AIDA: variants seen among roughly 807,000 people sequenced by gnomAD.
AIDA encodes the protein axin interactor, dorsalization associated, also known as axin interactor, dorsalization-associated protein.
In AIDA, 18 loss-of-function variants were observed where a neutral mutation model predicts 42.7. The ratio of observed to expected loss-of-function variants is 0.42; its 90% CI spans 0.29 to 0.63. AIDA has a LOEUF of 0.63. AIDA is among the 20% of genes least tolerant of loss of function. The probability of loss-of-function intolerance (pLI) is 0.19; values close to 1 mark genes in which losing one functional copy is unlikely to be tolerated. For synonymous variants in AIDA, 104 were observed against 122.9 expected (o/e 0.85, Z 1.02); for missense variants, 250 against 354.1 (o/e 0.71, Z 2.36).
At chr1:222,704,012 A>G (rs1655778755) in intron 1 of AIDA, among the ~76,000 whole-genome samples, 2 of 152,212 alleles carry the variant, frequency 1.3e-5, no homozygotes, top group African/African-American at 4.8e-5. Context: ...TCCAAAGAAG[A>G]CATAAAATGG....
chr1:222,703,849 C>T (rs1655774753), intron 1 of AIDA, among the ~76,000 whole-genome samples: 1 of 152,124 alleles, frequency 6.6e-6, no homozygotes, highest in South Asian at 2.1e-4. Flanking sequence ...TTAGTCCAAG[C>T]TCAACAATAA....
At chr1:222,694,711 A>T (rs1184518717) in intron 2 of AIDA, among the ~76,000 whole-genome samples, 4 of 152,192 alleles carry the variant, frequency 2.6e-5, no homozygotes, top group African/African-American at 9.7e-5. Context: ...ACTAAGCAAA[A>T]CTGGTATTTG....
intron 4 of AIDA, among the ~76,000 whole-genome samples, chr1:222,691,503 A>G (rs74145532): frequency 0.029 from 4,390 of 152,260 alleles, 216 homozygotes; most frequent in African/African-American, 0.099. Flanking sequence ...GTATAAACCT[A>G]CATTATTATA....
At chr1:222,700,139 G>A (rs1194838360) in intron 2 of AIDA, among the ~76,000 whole-genome samples, 1 of 152,178 alleles carries the variant, frequency 6.6e-6, no homozygotes, top group African/African-American at 2.4e-5. Flanking sequence ...CCTTATCCAA[G>A]TCCAAAGAAT....
In AIDA at chr1:222,711,105, G is replaced by A. The variant is rs75083118; in HGVS notation, c.110+1103C>T. Among the ~76,000 whole-genome samples the A allele has an allele frequency of 1.5e-3, 221 of 142,618 alleles. 6 individuals are homozygous for A. In the South Asian group the frequency reaches 0.024, roughly 15 times the overall value. 93.6% of individuals were successfully genotyped at this position (142,618 alleles called of 152,430 possible). A position where few individuals can be genotyped will look rare whatever the true frequency, so the allele number is the denominator to read the frequency against. On this transcript the variant is annotated intron_variant, in intron 1 of 9. Transcript: ENST00000340020. ...TGTCGGGGGCGGATGGGGGGTGGGG[G>A]AGGCCGGGGGTATTCTACTCATACG...
chr1:222,672,291 A>C (rs1664463661), intron 8 of AIDA, among the ~76,000 whole-genome samples: 1 of 152,210 alleles, frequency 6.6e-6, no homozygotes, highest in Non-Finnish European at 1.5e-5. Context: ...TCTCCCGTCC[A>C]CATCACAAAC....
chr1:222,692,505 G>T (rs1336116449), intron 4 of AIDA, among the ~76,000 whole-genome samples: 12 of 152,136 alleles, frequency 7.9e-5, no homozygotes, highest in Admixed American at 7.9e-4. Flanking sequence ...CCATCTGAAA[G>T]ATTATTTTTT....
intron 5 of AIDA, 45 bp downstream of exon 5, chr1:222,687,550 A>C: frequency 7.0e-7 from 1 of 1,420,792 alleles, no homozygotes; most frequent in Non-Finnish European, 9.6e-7. Context: ...TCTGAAAGAG[A>C]GGTATAAAAT....
chr1:222,702,337 C>T (rs899439336), intron 2 of AIDA, among the ~76,000 whole-genome samples: 10 of 152,146 alleles, frequency 6.6e-5, no homozygotes, highest in Non-Finnish European at 1.3e-4. Context: ...CCATAGTTTT[C>T]ACACTGTCTT....
At chr1:222,678,619 A>T (rs574082540) in intron 6 of AIDA, among the ~76,000 whole-genome samples, 1 of 152,300 alleles carries the variant, frequency 6.6e-6, no homozygotes, top group Non-Finnish European at 1.5e-5. Context: ...TCCAAGCTGG[A>T]AAGATACTTA....
At chr1:222,682,379 GTTTA>G (rs1329271683) in intron 6 of AIDA, among the ~76,000 whole-genome samples, 3 of 152,066 alleles carry the variant, frequency 2.0e-5, no homozygotes, top group Admixed American at 2.0e-4. Flanking sequence ...TGCTTATTAA[GTTTA>G]TTTGATTTTT....
At chr1:222,702,051 T>C (rs1655724552) in intron 2 of AIDA, among the ~76,000 whole-genome samples, 1 of 152,124 alleles carries the variant, frequency 6.6e-6, no homozygotes, top group Non-Finnish European at 1.5e-5. Context: ...TTTTAAATTG[T>C]AGTGATTTTT....
At chr1:222,676,934 AC>A (rs1272210824) in intron 6 of AIDA, among the ~76,000 whole-genome samples, 8 of 148,568 alleles carry the variant, frequency 5.4e-5, no homozygotes, top group African/African-American at 2.0e-4. Context: ...ACAAAAAAAA[AC>A]AAACAAAAAA....
At chr1:222,680,339 C>A (rs773614222) in intron 6 of AIDA, among the ~76,000 whole-genome samples, 2 of 152,084 alleles carry the variant, frequency 1.3e-5, no homozygotes, top group Non-Finnish European at 2.9e-5. Context: ...GCTTTACCTG[C>A]CCCAACCTTC....
intron 8 of AIDA, among the ~76,000 whole-genome samples, chr1:222,670,782 T>A (rs888957982): frequency 2.0e-5 from 3 of 152,206 alleles, no homozygotes; most frequent in African/African-American, 4.8e-5. Context: ...CTTAACACCT[T>A]TTTCAGTATT....
chr1:222,688,268 G>A (rs1210241942), intron 4 of AIDA, among the ~76,000 whole-genome samples: 1 of 151,894 alleles, frequency 6.6e-6, no homozygotes, highest in African/African-American at 2.4e-5. Flanking sequence ...TCTGTCCTGA[G>A]ATTTCCTCTC....
intron 2 of AIDA, among the ~76,000 whole-genome samples, chr1:222,697,103 C>T (rs1378561548): frequency 3.3e-5 from 5 of 151,970 alleles, no homozygotes; most frequent in East Asian, 3.9e-4. Context: ...CCACCGCGCC[C>T]GGCTAATTTC....
At chr1:222,689,502 T>TAC (rs1299244082) in intron 4 of AIDA, among the ~76,000 whole-genome samples, 1 of 70,580 alleles carries the variant, frequency 1.4e-5, no homozygotes, top group Non-Finnish European at 3.1e-5. Flanking sequence ...TATATATATA[T>TAC]ATATATATAT....
rs1655742157 is a variant in AIDA, at chr1:222,702,713, A to T, written c.180+435T>A. ...TTTGTGTGTATTTGTTTGTTCTGAG[A>T]GAAGGTAGACAGGAGTTAGGAAAGT... On this transcript the variant is annotated intron_variant, in intron 2 of 9. Coordinates refer to ENST00000340020, the MANE Select transcript of AIDA (RefSeq NM_022831.4). 2.0e-5 allele frequency among the ~76,000 whole-genome samples: 3 copies of T among 152,162 alleles called. No homozygotes were observed. In the South Asian group the frequency reaches 6.2e-4, roughly 31 times the overall value.
Sources: allele counts gnomAD v4.1 joint callset (sites outside exome capture counted in the v4.1 genomes callset), GRCh38; gene constraint gnomAD v4.1.1; transcripts MANE v1.5; gene names NCBI Gene and HGNC (gene_info 2026-07-23, HGNC 2026-07-21).